MCTP1: variants seen among roughly 807,000 people sequenced by gnomAD.
MCTP1 encodes multiple C2 and transmembrane domain containing 1, also known as multiple C2 and transmembrane domain-containing protein 1.
A neutral mutation model predicts 120.6 loss-of-function variants in MCTP1; 69 were observed. The ratio of observed to expected loss-of-function variants is 0.57; its 90% confidence interval spans 0.47 to 0.70. The LOEUF (loss-of-function observed/expected upper bound fraction) is 0.70. MCTP1 is among the 30% of genes least tolerant of loss of function. The pLI, the probability that MCTP1 is intolerant of heterozygous loss-of-function variation, is 0.00. For missense variants in MCTP1, 1,203 were observed against 1,248.8 expected (o/e 0.96, Z 0.55); for synonymous variants, 529 against 493.1 (o/e 1.07, Z -0.96).
intron 19 of MCTP1, among the ~76,000 whole-genome samples, chr5:94,765,938 C>T (rs1379973292): frequency 6.6e-6 from 1 of 151,878 alleles, no homozygotes; most frequent in Non-Finnish European, 1.5e-5. Context: ...CAAGTATATA[C>T]TAACAAATTA....
At position 94,824,257 on chromosome 5, in the gene MCTP1, G is replaced by A. The variant is rs533222085; in HGVS notation, c.2437-25125C>T. 2.0e-5 allele frequency among the ~76,000 whole-genome samples: 3 copies of A among 152,208 alleles called. No individual in the cohort carries two copies. The South Asian group carries it at 6.2e-4, about 32-fold the overall frequency. On this transcript the variant is annotated intron_variant, in intron 17 of 22. Coordinates refer to ENST00000515393, the MANE Select transcript of MCTP1 (RefSeq NM_024717.7). ...TATTCAATGTTTTTAGCATGAAGGGGTGTTGAATTTTATTGAAGGCCTTTT... is the reference window on the plus strand; with the variant it reads ...TATTCAATGTTTTTAGCATGAAGGGATGTTGAATTTTATTGAAGGCCTTTT...
chr5:94,962,637 C>T (rs1297450347), intron 2 of MCTP1, among the ~76,000 whole-genome samples: 2 of 151,744 alleles, frequency 1.3e-5, no homozygotes, highest in Non-Finnish European at 2.9e-5. Context: ...AACCAAATAT[C>T]GTATGCTCTC....
chr5:95,011,836 C>G (rs975839284), intron 2 of MCTP1, among the ~76,000 whole-genome samples: 1 of 152,088 alleles, frequency 6.6e-6, no homozygotes, highest in African/African-American at 2.4e-5. Flanking sequence ...GAAATTGTCC[C>G]AGCTTTGGTC....
chr5:95,284,280 A>T lies in MCTP1; in HGVS notation c.296T>A (p.Leu99Gln), dbSNP rs1274962281. The T allele has an allele frequency of 6.3e-7, 1 of 1,596,180 alleles. No individual in the cohort carries two copies. The highest frequency in any genetic ancestry group is 1.7e-5 in the Admixed American group (1 of 59,850). ...DRVFSSSQPN[L>Q]CCSSPEPLEP... ...CAGGGGCTCCGGCGACGAGCAGCAC[A>T]GGTTGGGCTGCGAGGAGGAGAAGAC... is the stretch of plus-strand genomic sequence containing the variant. The change falls in exon 1 of 23, where the codon CTG becomes CAG. Residue 99 changes from leucine (L) to glutamine (Q), a missense_variant. By Grantham distance (113) the Leu-to-Gln change is moderately radical (BLOSUM62 -2). This residue lies in a region of MCTP1 where 463 missense variants were observed against 377.8 expected (regional missense o/e 1.23). Transcript: ENST00000515393. The surrounding 1 kb of genome is among the most constrained non-coding windows in gnomAD (Gnocchi z 5.2).
chr5:94,788,125 C>T (rs557312363), intron 18 of MCTP1, among the ~76,000 whole-genome samples: 2 of 152,292 alleles, frequency 1.3e-5, no homozygotes, highest in African/African-American at 4.8e-5. Flanking sequence ...TTTAGGTAAA[C>T]TGACTTTCTC....
rs540921738 is a variant in MCTP1, at chr5:94,705,837, A to G, written c.*1659T>C. 6.6e-6 allele frequency: 1 copy of G among 151,804 alleles called. No homozygotes were observed. The highest frequency in any genetic ancestry group is 2.4e-5 in the African/African-American group (1 of 41,504). 9.4% of individuals were successfully genotyped at this position (151,804 alleles called of 1,614,324 possible). ...TTCATGGAACATTATGTTTTTAGCA[A>G]CAAACAGTGATGGTATGCAGACAGA... On this transcript the variant is annotated 3_prime_UTR_variant, in exon 23 of 23. Transcript: ENST00000515393.
chr5:95,194,058 C>T (rs1189241983), intron 1 of MCTP1, among the ~76,000 whole-genome samples: 1 of 151,748 alleles, frequency 6.6e-6, no homozygotes, highest in Non-Finnish European at 1.5e-5. Context: ...AAAAAAATAA[C>T]ATAAAAAATT....
intron 17 of MCTP1, among the ~76,000 whole-genome samples, chr5:94,819,261 C>G (rs1271633587): frequency 6.6e-6 from 1 of 151,992 alleles, no homozygotes; most frequent in Non-Finnish European, 1.5e-5. Flanking sequence ...CCATGAGGAG[C>G]TAGGATTACA....
chr5:94,963,847 G>A (rs1004841129), intron 2 of MCTP1, among the ~76,000 whole-genome samples: 1 of 151,868 alleles, frequency 6.6e-6, no homozygotes, highest in Non-Finnish European at 1.5e-5. Context: ...CTTTGCTTTC[G>A]TTGCCTGTGC....
At chr5:95,213,533 C>CA (rs1326001296) in intron 1 of MCTP1, among the ~76,000 whole-genome samples, 2 of 151,810 alleles carry the variant, frequency 1.3e-5, no homozygotes, top group Non-Finnish European at 2.9e-5. Flanking sequence ...CATATGGAAA[C>CA]AAAAAAGAGC....
At chr5:94,781,432 A>T (rs943275654) in intron 18 of MCTP1, among the ~76,000 whole-genome samples, 9 of 152,082 alleles carry the variant, frequency 5.9e-5, no homozygotes, top group African/African-American at 1.9e-4. Context: ...CATTTAACAC[A>T]CTTGTGGGTA....
chr5:95,155,503 G>A (rs1355904321), intron 1 of MCTP1, among the ~76,000 whole-genome samples: 1 of 151,898 alleles, frequency 6.6e-6, no homozygotes, highest in African/African-American at 2.4e-5. Context: ...ACCCTAAGGT[G>A]GGTGAAAAAA....
chr5:95,000,080 G>A (rs181094583), intron 2 of MCTP1, among the ~76,000 whole-genome samples: 73 of 152,244 alleles, frequency 4.8e-4, no homozygotes, highest in African/African-American at 1.7e-3. Flanking sequence ...CATATATGAT[G>A]GTGGTCCCAC....
At chr5:94,713,610 C>T (rs1757895027) in intron 20 of MCTP1, among the ~76,000 whole-genome samples, 1 of 152,036 alleles carries the variant, frequency 6.6e-6, no homozygotes, top group Admixed American at 6.6e-5. Flanking sequence ...GTGTGGAGGA[C>T]AGGTAAACAT....
chr5:95,068,444 A>C (rs1046373612), intron 1 of MCTP1, among the ~76,000 whole-genome samples: 1 of 152,214 alleles, frequency 6.6e-6, no homozygotes, highest in African/African-American at 2.4e-5. Flanking sequence ...AAAACAAAAC[A>C]AAACCAAAAC....
intron 1 of MCTP1, among the ~76,000 whole-genome samples, chr5:95,129,251 T>C (rs1758855174): frequency 6.6e-6 from 1 of 152,228 alleles, no homozygotes; most frequent in Non-Finnish European, 1.5e-5. Flanking sequence ...TATTTTTATT[T>C]TTCAGTGCTT....
At chr5:95,136,071 A>G (rs1232795898) in intron 1 of MCTP1, among the ~76,000 whole-genome samples, 1 of 152,206 alleles carries the variant, frequency 6.6e-6, no homozygotes, top group Non-Finnish European at 1.5e-5. Context: ...CCTGCATAGC[A>G]TCAGCCTTCT....
chr5:94,998,073 T>A (rs1832950364), intron 2 of MCTP1, among the ~76,000 whole-genome samples: 1 of 152,168 alleles, frequency 6.6e-6, no homozygotes, highest in Non-Finnish European at 1.5e-5. Flanking sequence ...TTTGCATAGA[T>A]GAGAAAGGTT....
chr5:94,808,187 C>G lies in MCTP1; in HGVS notation c.2437-9055G>C, dbSNP rs1163443261. Among the ~76,000 whole-genome samples, 4 of 152,148 alleles carry G rather than the reference C, an allele frequency of 2.6e-5. No homozygotes were observed. In the East Asian group the frequency reaches 7.7e-4, roughly 29 times the overall value. On this transcript the variant is annotated intron_variant, in intron 17 of 22. Transcript: ENST00000515393. The stretch of plus-strand genomic sequence containing the variant: ...GGTGGTTTTGCCTTGATTTAAATAG[C>G]CAGATGGCACCACCACCTGTTCAAA...
Sources: gnomAD v4.1 joint callset for allele counts (sites outside exome capture counted in the v4.1 genomes callset) on GRCh38, gnomAD v4.1.1 for gene constraint, gnomAD v4.1.1 regional missense constraint, Gnocchi (gnomAD v3.1) non-coding constraint, MANE v1.5 for transcripts, NCBI Gene and HGNC (gene_info 2026-07-23, HGNC 2026-07-21) for gene names.